Variants in PRRT2 observed in about 807,000 individuals in gnomAD.
PRRT2 encodes proline-rich transmembrane protein 2.
In PRRT2, 9 loss-of-function variants were observed where a neutral mutation model predicts 24.7. That is an observed-to-expected ratio of 0.36 (90% CI 0.22 to 0.64). The LOEUF is 0.64. Ranked by LOEUF, PRRT2 falls within the 30% of genes least tolerant of loss-of-function variation. The pLI, the probability that PRRT2 is intolerant of heterozygous loss-of-function variation, is 0.65. For synonymous variants in PRRT2, 195 were observed against 175.5 expected, an observed-to-expected ratio of 1.11 and a Z score of -0.88; for missense variants, 460 against 435.0, an observed-to-expected ratio of 1.06 and a Z score of -0.51.
rs757448392 is a variant in PRRT2 at position 29,813,678 on chromosome 16, C to T, written c.624C>T (p.Ser208=). 7.0e-6 allele frequency: 11 copies of T among 1,582,432 alleles called. No homozygotes were observed. The highest frequency in any genetic ancestry group is 3.4e-5 in the Admixed American group (2 of 57,984). Residue 208 remains serine (S), a synonymous_variant, in exon 2 of 4, where the codon TCC becomes TCT. Transcript: ENST00000358758. Reference sequence around the variant, plus strand: ...CTCACTCACCACCCTCAAAAAAATCCCCCCCAGCCAATGGGGCCCCCCCCC... The same window carrying T: ...CTCACTCACCACCCTCAAAAAAATCTCCCCCAGCCAATGGGGCCCCCCCCC... ...PEPHSPPSKK[S]PPANGAPPRV...
Position 29,813,704 on chromosome 16 carries a change from G to C in PRRT2, c.650G>C (p.Arg217Pro). ...CCCCCAGCCAATGGGGCCCCCCCCCGAGTGCTGCAGCAGCTGGTTGAGGAG... is the reference window on the plus strand; with the variant it reads ...CCCCCAGCCAATGGGGCCCCCCCCCCAGTGCTGCAGCAGCTGGTTGAGGAG... ...KSPPANGAPP[R>P]VLQQLVEEDR... The change falls in exon 2 of 4, where the codon CGA becomes CCA. Residue 217 changes from arginine to proline, a missense_variant. By Grantham distance (103) the Arg-to-Pro change is moderately radical. This residue lies in a region of PRRT2 where 378 missense variants were observed against 324.6 expected (regional missense o/e 1.16). Coordinates refer to ENST00000358758, the MANE Select transcript of PRRT2 (RefSeq NM_145239.3). 6.4e-7 allele frequency: 1 copy of C among 1,566,542 alleles called. No homozygotes were observed. The highest frequency in any genetic ancestry group is 1.2e-5 in the South Asian group (1 of 85,024).
At position 29,813,252 on chromosome 16, in the gene PRRT2, G is replaced by A. The variant is rs761593933; in HGVS notation, c.198G>A (p.Gly66=). 1.9e-6 allele frequency: 3 copies of A among 1,613,882 alleles called. No individual in the cohort carries two copies. The highest frequency in any genetic ancestry group is 2.5e-6 in the Non-Finnish European group (3 of 1,179,974). Residue 66 remains glycine, a synonymous_variant, in exon 2 of 4, where the codon GGG becomes GGA. Transcript: ENST00000358758. ...AAPVDSGPKA[G]LAPETTETPA... ...CTGTGGACTCAGGGCCCAAGGCTGG[G>A]CTGGCTCCAGAAACCACAGAGACCC...
chr16:29,813,547 G>C lies in PRRT2; in HGVS notation c.493G>C (p.Asp165His). ...ALQPELPTQEDPTPEILSESV... is the reference protein window; with the variant it reads ...ALQPELPTQEHPTPEILSESV... ...TCAACCAGAGCTCCCTACCCAGGAG[G>C]ACCCCACCCCTGAGATTCTGTCTGA... The change falls in exon 2 of 4, where the codon GAC becomes CAC. Residue 165 changes from aspartate to histidine, a missense_variant. Around this residue, in one of 3 missense-constraint regions of PRRT2, gnomAD observed 378 missense variants for 324.6 expected, o/e 1.16. Transcript: ENST00000358758. The C allele has an allele frequency of 1.2e-6, 2 of 1,613,830 alleles. No individual in the cohort carries two copies. The highest frequency in any genetic ancestry group is 2.2e-5 in the South Asian group (2 of 91,082).
chr16:29,813,317 G>C lies in PRRT2; in HGVS notation c.263G>C (p.Ser88Thr). Residue 88 changes from serine to threonine, a missense_variant, in exon 2 of 4, where the codon AGC (serine) becomes ACC (threonine). By Grantham distance (58) the Ser-to-Thr change is moderately conservative. Around this residue, in one of 3 missense-constraint regions of PRRT2, gnomAD observed 378 missense variants for 324.6 expected, o/e 1.16. Coordinates refer to ENST00000358758, the MANE Select transcript of PRRT2 (RefSeq NM_145239.3). ...ASETAQATDLSLSPGGESKAN... is the reference protein window; with the variant it reads ...ASETAQATDLTLSPGGESKAN... ...GAAACAGCCCAGGCCACAGACCTCAGCTTAAGCCCAGGAGGGGAATCAAAG... is the reference window on the plus strand; with the variant it reads ...GAAACAGCCCAGGCCACAGACCTCACCTTAAGCCCAGGAGGGGAATCAAAG... The C allele has an allele frequency of 6.2e-7, 1 of 1,614,098 alleles. No homozygotes were observed. Among genetic ancestry groups the C allele is most frequent in the Non-Finnish European group, 8.5e-7 (1 of 1,180,004 alleles).
At chr16:29,812,923 C>A in intron 1 of PRRT2, 67 bp from the exon 2 acceptor site, 1 of 950,794 alleles carries the variant, frequency 1.1e-6, no homozygotes, top group Non-Finnish European at 1.6e-6. Flanking sequence ...GAATGTGGCC[C>A]AATTGGGCCT....
Position 29,813,685 on chromosome 16 carries a change from G to A in PRRT2, c.631G>A (p.Ala211Thr). ...ACCACCCTCAAAAAAATCCCCCCCA[G>A]CCAATGGGGCCCCCCCCCGAGTGCT... ...HSPPSKKSPP[A>T]NGAPPRVLQQ... Residue 211 changes from alanine (A) to threonine (T), a missense_variant, in exon 2 of 4, where the codon GCC becomes ACC. By Grantham distance (58) the Ala-to-Thr change is moderately conservative. Transcript: ENST00000358758. 6.3e-7 allele frequency: 1 copy of A among 1,594,246 alleles called. No individual in the cohort carries two copies. Among genetic ancestry groups the A allele is most frequent in the Non-Finnish European group, 8.5e-7 (1 of 1,170,054 alleles).
chr16:29,815,376 T>C lies in PRRT2; in HGVS notation c.*738T>C, dbSNP rs1900195349. ...GGCAAGCCGGGCCTCGTATGGGGAC[T>C]CGGGTGAGGGTGGCGAGTACTGGTT... is the stretch of plus-strand genomic sequence containing the variant. On this transcript the variant is annotated 3_prime_UTR_variant, in exon 4 of 4. Transcript: ENST00000358758. 6.6e-6 allele frequency: 1 copy of C among 152,428 alleles called. No individual in the cohort carries two copies. The highest frequency in any genetic ancestry group is 2.4e-5 in the African/African-American group (1 of 41,322). 9.4% of individuals were successfully genotyped at this position (152,428 alleles called of 1,614,324 possible).
Position 29,813,355 on chromosome 16 carries a change from C to T in PRRT2, c.301C>T (p.Pro101Ser). 3 of 1,614,134 alleles carry T rather than the reference C, an allele frequency of 1.9e-6. No individual in the cohort carries two copies. Among genetic ancestry groups the T allele is most frequent in the Middle Eastern group, 1.6e-4 (1 of 6,062 alleles). The change falls in exon 2 of 4, where the codon CCC becomes TCC. Residue 101 changes from proline to serine, a missense_variant. Around this residue, in one of 3 missense-constraint regions of PRRT2, gnomAD observed 378 missense variants for 324.6 expected, o/e 1.16. Coordinates refer to ENST00000358758, the MANE Select transcript of PRRT2 (RefSeq NM_145239.3). ...PGGESKANCS[P>S]EDPCQETVSK... ...AGGGGAATCAAAGGCCAACTGCAGC[C>T]CCGAAGACCCATGCCAAGAAACAGT...
Position 29,813,617 on chromosome 16 carries a change from AG to A in PRRT2, c.565del (p.Ala189LeufsTer40). 1 of 1,613,178 alleles carries A rather than the reference AG, an allele frequency of 6.2e-7. No homozygotes were observed. The highest frequency in any genetic ancestry group is 8.5e-7 in the Non-Finnish European group (1 of 1,179,626). ...GAGAATGGGGCAGTGGTGCCCCTGCAGGCTGGTGATGGGGAAGAGGGCCCAG... is the reference window on the plus strand; with the variant it reads ...GAGAATGGGGCAGTGGTGCCCCTGCAGCTGGTGATGGGGAAGAGGGCCCAG... ...KQENGAVVPL[Q>X]AGDGEEGPAP... On this transcript the variant is annotated frameshift_variant, in exon 2 of 4. Transcript: ENST00000358758. LOFTEE classifies it high-confidence loss of function.
In PRRT2 at chr16:29,814,440, C is replaced by T. The variant is rs368411419; in HGVS notation, c.987C>T (p.Ile329=). The change falls in exon 3 of 4, where the codon ATC becomes ATT. Residue 329 remains isoleucine (I), a synonymous_variant. Coordinates refer to ENST00000358758, the MANE Select transcript of PRRT2 (RefSeq NM_145239.3). This position sits in a 1 kb window ranked among gnomAD's most constrained non-coding sequence, Gnocchi z 4.1. ...VALVGGVLII[I]ASCVINLGVY... Reference sequence around the variant, plus strand: ...TGGTGGGGGGAGTCCTCATCATCATCGCCTCCTGCGTCATCAACTTAGGCG... The same window carrying T: ...TGGTGGGGGGAGTCCTCATCATCATTGCCTCCTGCGTCATCAACTTAGGCG... 12 of 1,603,458 alleles carry T rather than the reference C, an allele frequency of 7.5e-6. No individual in the cohort carries two copies. Among genetic ancestry groups the T allele is most frequent in the South Asian group, 3.3e-5 (3 of 89,656 alleles).
chr16:29,814,445 C>T lies in PRRT2; in HGVS notation c.992C>T (p.Ser331Phe), dbSNP rs1567380661. 1.2e-6 allele frequency: 2 copies of T among 1,604,252 alleles called. No individual in the cohort carries two copies. The highest frequency in any genetic ancestry group is 1.7e-6 in the Non-Finnish European group (2 of 1,174,930). The change falls in exon 3 of 4, where the codon TCC becomes TTC. Residue 331 changes from serine (S) to phenylalanine (F), a missense_variant. Around this residue, in one of 3 missense-constraint regions of PRRT2, gnomAD observed 64 missense variants for 71.2 expected, o/e 0.90. Transcript: ENST00000358758. The surrounding 1 kb of genome is among the most constrained non-coding windows in gnomAD (Gnocchi z 4.1). ...GGGGGAGTCCTCATCATCATCGCCT[C>T]CTGCGTCATCAACTTAGGCGGTGAG... ...LVGGVLIIIA[S>F]CVINLGVYK
chr16:29,813,168 A>T lies in PRRT2; in HGVS notation c.114A>T (p.Leu38=). Residue 38 remains leucine (L), a synonymous_variant, in exon 2 of 4, where the codon CTA becomes CTT. Transcript: ENST00000358758. ...CTGAAACTGGCCCTCCCCAGGTCCT[A>T]GCAGGGGTACCAGACCAGCCAGAGG... The part of the protein sequence containing the change: ...SEAETGPPQV[L]AGVPDQPEAP... 1.9e-6 allele frequency: 3 copies of T among 1,613,984 alleles called. No homozygotes were observed. Among genetic ancestry groups the T allele is most frequent in the Non-Finnish European group, 2.5e-6 (3 of 1,180,002 alleles).
In PRRT2 at chr16:29,813,153, C is replaced by T. The variant is rs1235109136; in HGVS notation, c.99C>T (p.Gly33=). 6.2e-7 allele frequency: 1 copy of T among 1,614,020 alleles called. No individual in the cohort carries two copies. Among genetic ancestry groups the T allele is most frequent in the Non-Finnish European group, 8.5e-7 (1 of 1,180,012 alleles). The change falls in exon 2 of 4, where the codon GGC becomes GGT. Residue 33 remains glycine, a synonymous_variant. Coordinates refer to ENST00000358758, the MANE Select transcript of PRRT2 (RefSeq NM_145239.3). ...EGPGHSEAET[G]PPQVLAGVPD... ...CTGGCCATTCTGAAGCTGAAACTGG[C>T]CCTCCCCAGGTCCTAGCAGGGGTAC...
Position 29,814,190 on chromosome 16 carries a change from GCC to G in PRRT2, c.880-140_880-139del. 1 of 1,491,646 alleles carries G rather than the reference GCC, an allele frequency of 6.7e-7. No homozygotes were observed. Among genetic ancestry groups the G allele is most frequent in the Non-Finnish European group, 8.9e-7 (1 of 1,129,874 alleles). 92.4% of individuals were successfully genotyped at this position (1,491,646 alleles called of 1,614,324 possible). Reference sequence around the variant, plus strand: ...CGCTGACCTGTGCCCTCCTCCCCCTGCCCCTTCACTCCTCCTTCCTCCCTTAC... The same window carrying G: ...CGCTGACCTGTGCCCTCCTCCCCCTGCCTTCACTCCTCCTTCCTCCCTTAC... On this transcript the variant is annotated intron_variant, in intron 2 of 3. Coordinates refer to ENST00000358758, the MANE Select transcript of PRRT2 (RefSeq NM_145239.3). This position sits in a 1 kb window ranked among gnomAD's most constrained non-coding sequence, Gnocchi z 4.1.
rs76335820 is a variant in PRRT2, at chr16:29,813,701, C to T, written c.647C>T (p.Pro216Leu). The T allele has an allele frequency of 9.3e-3, 14,693 of 1,582,354 alleles. 87 individuals carry two copies. The highest frequency in any genetic ancestry group is 0.011 in the Non-Finnish European group (12,889 of 1,163,480). The change falls in exon 2 of 4, where the codon CCC becomes CTC. Residue 216 changes from proline to leucine, a missense_variant. Coordinates refer to ENST00000358758, the MANE Select transcript of PRRT2 (RefSeq NM_145239.3). ...KKSPPANGAP[P>L]RVLQQLVEED... Reference sequence around the variant, plus strand: ...TCCCCCCCAGCCAATGGGGCCCCCCCCCGAGTGCTGCAGCAGCTGGTTGAG... The same window carrying T: ...TCCCCCCCAGCCAATGGGGCCCCCCTCCGAGTGCTGCAGCAGCTGGTTGAG...
rs1555502536 is a variant in PRRT2 at position 29,812,974 on chromosome 16, TCTC to T, written c.-65-9_-65-7del. 1.4e-6 allele frequency: 2 copies of T among 1,463,244 alleles called. No individual in the cohort carries two copies. Among genetic ancestry groups the T allele is most frequent in the Non-Finnish European group, 1.8e-6 (2 of 1,083,988 alleles). 90.6% of individuals were successfully genotyped at this position (1,463,244 alleles called of 1,614,324 possible). ...CTCTTCCCTCCTCACCCCAAGCCTA[TCTC>T]CTCCTCTTCCAGGGTTTGCCGCTGT... On this transcript the variant is annotated splice_polypyrimidine_tract_variant and intron_variant, in intron 1 of 3. Transcript: ENST00000358758.
In PRRT2 at chr16:29,815,771, CTA is replaced by C. The variant is rs1291009929; in HGVS notation, c.*1134_*1135del. ...AAAAAAGTCTGGGGGAAGAAAAAAA[CTA>C]AAATTCTTAAAAAAAAAAAAAAAAG... On this transcript the variant is annotated 3_prime_UTR_variant, in exon 4 of 4. Transcript: ENST00000358758. 1.3e-4 allele frequency: 7 copies of C among 55,832 alleles called. No homozygotes were observed. The highest frequency in any genetic ancestry group is 3.4e-4 in the Admixed American group (2 of 5,830). The allele number at this position is 55,832 out of a possible 1,614,324, so 3.5% of individuals were successfully genotyped here. A position where few individuals can be genotyped will look rare whatever the true frequency, so the allele number is the denominator to read the frequency against.
Position 29,815,091 on chromosome 16 carries a change from T to G in PRRT2, c.*453T>G, listed in dbSNP as rs1900181103. Reference sequence around the variant, plus strand: ...CTTGGCATCTCTCAACCCTCAGTCCTCTCTTCCTTCCCTTCTTTATCATCT... The same window carrying G: ...CTTGGCATCTCTCAACCCTCAGTCCGCTCTTCCTTCCCTTCTTTATCATCT... On this transcript the variant is annotated 3_prime_UTR_variant, in exon 4 of 4. Transcript: ENST00000358758. 1 of 174,342 alleles carries G rather than the reference T, an allele frequency of 5.7e-6. No homozygotes were observed. Among genetic ancestry groups the G allele is most frequent in the Non-Finnish European group, 1.2e-5 (1 of 82,488 alleles). 10.8% of individuals were successfully genotyped at this position (174,342 alleles called of 1,614,324 possible).
At position 29,814,056 on chromosome 16, in the gene PRRT2, C is replaced by G; in HGVS notation, c.879+123C>G. On this transcript the variant is annotated intron_variant, in intron 2 of 3. Coordinates refer to ENST00000358758, the MANE Select transcript of PRRT2 (RefSeq NM_145239.3). This position sits in a 1 kb window ranked among gnomAD's most constrained non-coding sequence, Gnocchi z 4.1. Reference sequence around the variant, plus strand: ...TCTCCTCTCTGCATGGATCCCACCTCCCCAATTCCAGGGCCTTTGTTTGCC... The same window carrying G: ...TCTCCTCTCTGCATGGATCCCACCTGCCCAATTCCAGGGCCTTTGTTTGCC... 6.7e-7 allele frequency: 1 copy of G among 1,482,248 alleles called. No individual in the cohort carries two copies. Among genetic ancestry groups the G allele is most frequent in the South Asian group, 1.4e-5 (1 of 71,658 alleles). The allele number at this position is 1,482,248 out of a possible 1,614,324, so 91.8% of individuals were successfully genotyped here.
Sources: gnomAD v4.1 joint callset for allele counts on GRCh38, gnomAD v4.1.1 for gene constraint, gnomAD v4.1.1 regional missense constraint, Gnocchi (gnomAD v3.1) non-coding constraint, MANE v1.5 for transcripts, NCBI Gene and HGNC (gene_info 2026-07-23, HGNC 2026-07-21) for gene names.